ABCC6: variants seen among roughly 807,000 people sequenced by gnomAD.
ABCC6 encodes the protein ATP-binding cassette sub-family C member 6.
In ABCC6, 126 loss-of-function variants were observed where a neutral mutation model predicts 169.5. The ratio of observed to expected loss-of-function variants is 0.74; its 90% CI spans 0.64 to 0.86. The LOEUF (loss-of-function observed/expected upper bound fraction) is 0.86, where lower values mean the gene tolerates loss of function less well. Among genes scored for constraint, ABCC6 ranks in the 40% least tolerant of loss-of-function variants. The probability of loss-of-function intolerance (pLI) is 0.00; values close to 1 mark genes in which losing one functional copy is unlikely to be tolerated. For missense variants in ABCC6, 1,733 were observed against 1,927.2 expected (o/e 0.90, Z 1.89); for synonymous variants, 752 against 814.7 (o/e 0.92, Z 1.31).
rs1258363609 is a variant in ABCC6 at position 16,187,333 on chromosome 16, G to A, written c.1780-122C>T. 1.4e-5 allele frequency: 11 copies of A among 807,728 alleles called. No individual in the cohort carries two copies. In the East Asian group the frequency reaches 1.9e-4, roughly 14 times the overall value. 50.0% of individuals were successfully genotyped at this position (807,728 alleles called of 1,614,324 possible). On this transcript the variant is annotated intron_variant, in intron 13 of 30. Coordinates refer to ENST00000205557, the MANE Select transcript of ABCC6 (RefSeq NM_001171.6). ...CTACCAAGCTCTGTGCATAGGAGGC[G>A]TGAGGACAAAGCTTTCTAGTTCATG...
At position 16,188,869 on chromosome 16, in the gene ABCC6, G is replaced by A; in HGVS notation, c.1741C>T (p.Gln581Ter). ...TGGATGGAGAAGGGCAGGAAAGCCT[G>A]GGCCTTGTTGAGGATGTTGAGAACT... is the stretch of plus-strand genomic sequence containing the variant. ...LTVLNILNKA[Q>*]AFLPFSIHSL... is the part of the protein sequence containing the mutation. Residue 581 changes from glutamine (Q) to a stop codon, truncating the protein, a stop_gained, in exon 13 of 31, where the codon CAG becomes TAG. Transcript: ENST00000205557. LOFTEE classifies it high-confidence loss of function. 1.2e-6 allele frequency: 2 copies of A among 1,614,172 alleles called. No homozygotes were observed. Among genetic ancestry groups the A allele is most frequent in the Non-Finnish European group, 1.7e-6 (2 of 1,180,024 alleles).
chr16:16,182,740 G>C (rs2047517681), intron 16 of ABCC6, 64 bp downstream of exon 16: 24 of 1,610,204 alleles, frequency 1.5e-5, no homozygotes, highest in Non-Finnish European at 2.0e-5. Context: ...GGGTGGGAAG[G>C]CAGCGAGGAA....
rs1434564631 is a variant in ABCC6, at chr16:16,173,380, C to A, written c.2691G>T (p.Lys897Asn). 1.2e-6 allele frequency: 2 copies of A among 1,613,922 alleles called. No individual in the cohort carries two copies. Among genetic ancestry groups the A allele is most frequent in the Non-Finnish European group, 1.7e-6 (2 of 1,180,014 alleles). ...TCTGGGCTTCTGAAGTGGTACGGTC[C>A]TTCTCAGGGACTGACTTGATGGACC... The part of the protein sequence containing the change: ...RERSIKSVPE[K>N]DRTTSEAQTE... The change falls in exon 21 of 31, where the codon AAG becomes AAT. Residue 897 changes from lysine to asparagine, a missense_variant. Physicochemically the swap from Lys to Asn is moderately conservative, Grantham distance 94 (BLOSUM62 0). This residue lies in a region of ABCC6 where 1,601 missense variants were observed against 1,635.5 expected (regional missense o/e 0.98). Transcript: ENST00000205557.
At chr16:16,212,606 AG>A (rs1405367059) in intron 5 of ABCC6, among the ~76,000 whole-genome samples, 1 of 151,048 alleles carries the variant, frequency 6.6e-6, no homozygotes, top group Non-Finnish European at 1.5e-5. Flanking sequence ...CACTACACCC[AG>A]CCCTGACGGT....
rs550069568 is a variant in ABCC6, at chr16:16,208,849, T to A, written c.673A>T (p.Arg225Trp). Residue 225 changes from arginine to tryptophan, a missense_variant, in exon 7 of 31, where the codon AGG becomes TGG. This residue lies in a region of ABCC6 where 49 missense variants were observed against 85.8 expected (regional missense o/e 0.57). Coordinates refer to ENST00000205557, the MANE Select transcript of ABCC6 (RefSeq NM_001171.6). The stretch of plus-strand genomic sequence containing the variant: ...GGTCTCAGTGGCCTCCTGTATCCCC[T>A]CCAGACCAGGCTGCAAAAGAGGGGC... ...TFWWVSGLVWRGYRRPLRPKD... is the reference protein window; with the variant it reads ...TFWWVSGLVWWGYRRPLRPKD... 6.2e-7 allele frequency: 1 copy of A among 1,613,360 alleles called. No homozygotes were observed. The highest frequency in any genetic ancestry group is 2.2e-5 in the East Asian group (1 of 44,858).
chr16:16,171,717 TA>T (rs1258862852), intron 21 of ABCC6, among the ~76,000 whole-genome samples: 1 of 151,996 alleles, frequency 6.6e-6, no homozygotes, highest in Non-Finnish European at 1.5e-5. Context: ...ATGGGATGGA[TA>T]AATGAGTAGG....
intron 7 of ABCC6, among the ~76,000 whole-genome samples, chr16:16,204,352 G>A (rs150843186): frequency 0.069 from 10,474 of 152,160 alleles, 831 homozygotes; most frequent in East Asian, 0.33. Flanking sequence ...CACCACACCT[G>A]GCCTCTCATG....
intron 29 of ABCC6, 91 bp from the exon 30 acceptor site, chr16:16,150,863 G>A: frequency 1.3e-6 from 2 of 1,549,866 alleles, no homozygotes; most frequent in Non-Finnish European, 1.7e-6. Context: ...CTGAAGCAGT[G>A]CAGGAGTGAG....
In ABCC6 at chr16:16,163,022, C is replaced by A. The variant is rs746045818; in HGVS notation, c.3477G>T (p.Arg1159Ser). The A allele has an allele frequency of 2.5e-6, 4 of 1,614,102 alleles. No homozygotes were observed. Among genetic ancestry groups the A allele is most frequent in the Non-Finnish European group, 3.4e-6 (4 of 1,180,032 alleles). The change falls in exon 24 of 31, where the codon AGG (arginine) becomes AGT (serine). Residue 1159 changes from arginine to serine, a missense_variant. By Grantham distance (110) the Arg-to-Ser change is moderately radical (BLOSUM62 -1). Coordinates refer to ENST00000205557, the MANE Select transcript of ABCC6 (RefSeq NM_001171.6). ...QNNARVDESQRISFPRLVADR... is the reference protein window; with the variant it reads ...QNNARVDESQSISFPRLVADR... ...CAGCCACCAGTCGCGGGAAACTGAT[C>A]CTCTGGCTTTCATCTACGCGAGCAT...
intron 21 of ABCC6, among the ~76,000 whole-genome samples, chr16:16,170,936 AAAAAAGAAAGAAAGAAAG>A (rs1262656170): frequency 7.7e-4 from 104 of 135,180 alleles, no homozygotes; most frequent in African/African-American, 2.8e-3. Flanking sequence ...AAAAAAAAAA[AAAAAAGAAAGAAAGAAAG>A]AAAGAAAGAA....
chr16:16,208,647 CAGTCGTG>C (rs1325483700), intron 7 of ABCC6, 74 bp downstream of exon 7: 2 of 1,608,850 alleles, frequency 1.2e-6, no homozygotes, highest in African/African-American at 2.7e-5. Flanking sequence ...GCCGGGATTA[CAGTCGTG>C]AGCCACCGCA....
chr16:16,213,558 C>CTTT (rs61603385), intron 5 of ABCC6, among the ~76,000 whole-genome samples: 9 of 72,346 alleles, frequency 1.2e-4, no homozygotes, highest in Non-Finnish European at 1.1e-4. Context: ...CTTTTTCCTT[C>CTTT]TTTTTTTTTT....
chr16:16,151,838 C>G (rs1444619608), intron 29 of ABCC6, among the ~76,000 whole-genome samples: 1 of 152,074 alleles, frequency 6.6e-6, no homozygotes, highest in Admixed American at 6.6e-5. Flanking sequence ...AGTCCTCTGA[C>G]CCCAGAGTCT....
At chr16:16,150,298 G>A in intron 30 of ABCC6, 57 bp from the exon 31 acceptor site, 1 of 1,610,234 alleles carries the variant, frequency 6.2e-7, no homozygotes, top group Non-Finnish European at 8.5e-7. Context: ...GCTCTCGGCA[G>A]CTGTGAGAGC....
At chr16:16,210,091 T>C (rs1443438024) in intron 6 of ABCC6, among the ~76,000 whole-genome samples, 2 of 152,180 alleles carry the variant, frequency 1.3e-5, no homozygotes, top group African/African-American at 4.8e-5. Flanking sequence ...TTCTGGTCTC[T>C]GACTCTTCTC....
In ABCC6 at chr16:16,177,521, G is replaced by A. The variant is rs60990156; in HGVS notation, c.2521C>T (p.Leu841=). 6 of 1,613,914 alleles carry A rather than the reference G, an allele frequency of 3.7e-6. No homozygotes were observed. In the Admixed American group the frequency reaches 6.7e-5, roughly 18 times the overall value. Residue 841 remains leucine (L), a synonymous_variant, in exon 19 of 31, where the codon CTG becomes TTG. Coordinates refer to ENST00000205557, the MANE Select transcript of ABCC6 (RefSeq NM_001171.6). ...CACATGAGGGCCCCCTTCCTCTGCA[G>A]AAGCTCCTGGTAGGAACCCATCTCT... ...IAEMGSYQEL[L]QRKGALMCLL...
Position 16,159,573 on chromosome 16 carries a change from G to A in ABCC6, c.3644C>T (p.Thr1215Ile), listed in dbSNP as rs764318423. The A allele has an allele frequency of 5.6e-5, 90 of 1,614,060 alleles. 1 individual carries two copies. In the Admixed American group the frequency reaches 1.5e-3, roughly 26 times the overall value. ...CCAGTTGCGAACAACCCACTGCAGTGTCTGGGTCACCTGGTGCAAGAAAGC... is the reference window on the plus strand; with the variant it reads ...CCAGTTGCGAACAACCCACTGCAGTATCTGGGTCACCTGGTGCAAGAAAGC... ...SVSAALQVTQ[T>I]LQWVVRNWTD... Residue 1215 changes from threonine to isoleucine, a missense_variant, in exon 26 of 31, where the codon ACA becomes ATA. By Grantham distance (89) the Thr-to-Ile change is moderately conservative (BLOSUM62 -1). Around this residue, in one of 5 missense-constraint regions of ABCC6, gnomAD observed 1,601 missense variants for 1,635.5 expected, o/e 0.98. Transcript: ENST00000205557.
In ABCC6 at chr16:16,169,726, G is replaced by A. The variant is rs768619900; in HGVS notation, c.2915C>T (p.Ala972Val). ...CTGCCCACCTACTGCAGGGTCGTCC[G>A]CCCACAGGCTCAGCCAGTAGCCCCG... The part of the protein sequence containing the change: ...FCRGYWLSLW[A>V]DDPAVGGQQT... The change falls in exon 22 of 31, where the codon GCG becomes GTG. Residue 972 changes from alanine to valine, a missense_variant. This residue lies in a region of ABCC6 where 1,601 missense variants were observed against 1,635.5 expected (regional missense o/e 0.98). Coordinates refer to ENST00000205557, the MANE Select transcript of ABCC6 (RefSeq NM_001171.6). 3.0e-5 allele frequency: 49 copies of A among 1,609,558 alleles called. No individual in the cohort carries two copies. The highest frequency in any genetic ancestry group is 9.3e-5 in the African/African-American group (7 of 74,868).
chr16:16,166,580 A>G (rs1215925466), intron 22 of ABCC6, among the ~76,000 whole-genome samples: 1 of 151,700 alleles, frequency 6.6e-6, no homozygotes, highest in Admixed American at 6.6e-5. Flanking sequence ...CGTATTCTCC[A>G]TCAGAACCTC....
Sources: gnomAD v4.1 joint callset for allele counts (sites outside exome capture counted in the v4.1 genomes callset) on GRCh38, gnomAD v4.1.1 for gene constraint, gnomAD v4.1.1 regional missense constraint, MANE v1.5 for transcripts, NCBI Gene and HGNC (gene_info 2026-07-23, HGNC 2026-07-21) for gene names.